PRR3: variants seen among roughly 807,000 people sequenced by gnomAD.
PRR3 encodes proline rich 3, also known as proline-rich protein 3.
PRR3 carries 16 observed loss-of-function variants against 22.4 expected under a neutral mutation model. The observed-to-expected ratio is 0.71, with a 90% confidence interval of 0.48 to 1.09. The LOEUF (loss-of-function observed/expected upper bound fraction) is 1.09. Ranked by LOEUF, PRR3 falls within the 50% of genes least tolerant of loss-of-function variation. PRR3 has a pLI of 0.00. For missense variants in PRR3, 224 were observed against 243.4 expected (o/e 0.92, Z 0.53); for synonymous variants, 87 against 88.6 (o/e 0.98, Z 0.10).
chr6:30,556,925 G>A (rs1029907777), upstream of PRR3: 1 of 612,446 alleles, frequency 1.6e-6, no homozygotes, highest in African/African-American at 1.8e-5. The surrounding 1 kb of genome is among the most constrained non-coding windows in gnomAD (Gnocchi z 5.7). Context: ...GAGGTCAAAG[G>A]GCACGAAGTT....
chr6:30,557,527 A>G (rs1054231013), intron 1 of PRR3, 77 bp downstream of exon 1: 1 of 1,020,018 alleles, frequency 9.8e-7, no homozygotes, highest in Admixed American at 2.2e-5. Flanking sequence ...TAAGGTGCGA[A>G]GGAGGGGGCT....
intron 1 of PRR3, 21 bp from the exon 2 acceptor site, chr6:30,558,129 T>C (rs1800381004): frequency 6.2e-7 from 1 of 1,603,494 alleles, no homozygotes; most frequent in Non-Finnish European, 8.5e-7. Flanking sequence ...CTGATGACCA[T>C]ATTTTCATGT....
intron 1 of PRR3, 33 bp downstream of exon 1, chr6:30,557,483 G>T: frequency 6.8e-7 from 1 of 1,476,846 alleles, no homozygotes; most frequent in Non-Finnish European, 9.4e-7. Flanking sequence ...GCACATGCCT[G>T]TCAAGCCCGT....
chr6:30,557,190 C>A (rs949967395), upstream of PRR3: 46 of 721,802 alleles, frequency 6.4e-5, no homozygotes, highest in Non-Finnish European at 1.0e-4. Context: ...CTCCGGAATG[C>A]GGCCGCCGCA....
At chr6:30,557,173 C>G, upstream of PRR3, 1 of 705,864 alleles carries the variant, frequency 1.4e-6, no homozygotes, top group Non-Finnish European at 2.6e-6. Context: ...CGGAGGGAGG[C>G]AGTTGGCTCC....
rs756871290 is a variant in PRR3 at position 30,561,352 on chromosome 6, G to A, written c.170-482G>A. 4.3e-6 allele frequency: 2 copies of A among 460,462 alleles called. No homozygotes were observed. The highest frequency in any genetic ancestry group is 3.1e-5 in the South Asian group (2 of 64,550). 28.5% of individuals were successfully genotyped at this position (460,462 alleles called of 1,614,324 possible). ...GCCCCAAACTGGATACCACCCACAT[G>A]TCCATCATCAGTAGAATGGATAAAT... is the stretch of plus-strand genomic sequence containing the variant. On this transcript the variant is annotated intron_variant, in intron 2 of 3. Coordinates refer to ENST00000376560, the MANE Select transcript of PRR3 (RefSeq NM_025263.4). This position sits in a 1 kb window ranked among gnomAD's most constrained non-coding sequence, Gnocchi z 4.0.
Position 30,561,245 on chromosome 6 carries a change from T to C in PRR3, c.170-589T>C. 2.4e-6 allele frequency: 1 copy of C among 412,130 alleles called. No homozygotes were observed. Among genetic ancestry groups the C allele is most frequent in the Admixed American group, 2.8e-5 (1 of 35,638 alleles). 25.5% of individuals were successfully genotyped at this position (412,130 alleles called of 1,614,324 possible). ...ATACTTTATAAGCCAGTAATACCTC[T>C]ACTACGTATATATTCAACAGAAATG... On this transcript the variant is annotated intron_variant, in intron 2 of 3. Transcript: ENST00000376560. This position sits in a 1 kb window ranked among gnomAD's most constrained non-coding sequence, Gnocchi z 4.0.
At position 30,562,040 on chromosome 6, in the gene PRR3, G is replaced by A. The variant is rs772650039; in HGVS notation, c.376G>A (p.Glu126Lys). 2 of 1,612,806 alleles carry A rather than the reference G, an allele frequency of 1.2e-6. No homozygotes were observed. Among genetic ancestry groups the A allele is most frequent in the African/African-American group, 2.7e-5 (2 of 74,910 alleles). The change falls in exon 3 of 4, where the codon GAA becomes AAA. Residue 126 changes from glutamate (E) to lysine (K), a missense_variant. Physicochemically the swap from Glu to Lys is moderately conservative, Grantham distance 56. Transcript: ENST00000376560. ...GGPTRGSFHKEQRNPRRLKSW... is the reference protein window; with the variant it reads ...GGPTRGSFHKKQRNPRRLKSW... ...TCCCACCAGGGGAAGCTTTCACAAG[G>A]AACAGAGAAACCCTCGAAGGCTCAA...
At position 30,562,053 on chromosome 6, in the gene PRR3, C is replaced by T. The variant is rs1326539084; in HGVS notation, c.389C>T (p.Pro130Leu). ...AGCTTTCACAAGGAACAGAGAAACC[C>T]TCGAAGGCTCAAAAGCTGGTCTCTT... is the stretch of plus-strand genomic sequence containing the variant. ...RGSFHKEQRN[P>L]RRLKSWSLIK... The change falls in exon 3 of 4, where the codon CCT (proline) becomes CTT (leucine). Residue 130 changes from proline (P) to leucine (L), a missense_variant. Pro to Leu is a moderately conservative substitution (Grantham distance 98). Coordinates refer to ENST00000376560, the MANE Select transcript of PRR3 (RefSeq NM_025263.4). 5 of 1,612,584 alleles carry T rather than the reference C, an allele frequency of 3.1e-6. No homozygotes were observed. Among genetic ancestry groups the T allele is most frequent in the Non-Finnish European group, 8.5e-7 (1 of 1,179,800 alleles).
Position 30,561,556 on chromosome 6 carries a change from A to G in PRR3, c.170-278A>G, listed in dbSNP as rs1561762036. On this transcript the variant is annotated intron_variant, in intron 2 of 3. Transcript: ENST00000376560. This position sits in a 1 kb window ranked among gnomAD's most constrained non-coding sequence, Gnocchi z 4.0. ...TTCAAAAACAGGCAAAAACTAACCT[A>G]TGGTGTCAGGATAGTGGTTACCTTT... is the stretch of plus-strand genomic sequence containing the variant. The G allele has an allele frequency of 9.8e-6, 6 of 611,082 alleles. No homozygotes were observed. The highest frequency in any genetic ancestry group is 1.8e-5 in the Non-Finnish European group (6 of 340,050). 37.9% of individuals were successfully genotyped at this position (611,082 alleles called of 1,614,324 possible).
intron 2 of PRR3, among the ~76,000 whole-genome samples, chr6:30,558,974 G>C (rs1464827991): frequency 6.6e-6 from 1 of 152,180 alleles, no homozygotes. Flanking sequence ...AATTATTCTA[G>C]AAAGTAAATG....
At chr6:30,557,591 C>T (rs1800343483) in intron 1 of PRR3, 141 bp downstream of exon 1, 1 of 629,616 alleles carries the variant, frequency 1.6e-6, no homozygotes, top group Non-Finnish European at 2.8e-6. Context: ...GTGGGGCTCT[C>T]CCAAATGGAG....
In PRR3 at chr6:30,562,683, C is replaced by T. The variant is rs192025954; in HGVS notation, c.*188C>T. The T allele has an allele frequency of 4.9e-5, 26 of 531,338 alleles. No homozygotes were observed. The highest frequency in any genetic ancestry group is 2.3e-4 in the African/African-American group (12 of 51,966). 32.9% of individuals were successfully genotyped at this position (531,338 alleles called of 1,614,324 possible). A position where few individuals can be genotyped will look rare whatever the true frequency, so the allele number is the denominator to read the frequency against. ...TTGCATCACTGGTGCGCGGCATACG[C>T]GCTTTCTTCTGATCCAGCCTGTAGA... On this transcript the variant is annotated 3_prime_UTR_variant, in exon 4 of 4. Coordinates refer to ENST00000376560, the MANE Select transcript of PRR3 (RefSeq NM_025263.4).
In PRR3 at chr6:30,558,153, C is replaced by G. The variant is rs760428136; in HGVS notation, c.110C>G (p.Pro37Arg). The G allele has an allele frequency of 3.1e-6, 5 of 1,612,618 alleles. No homozygotes were observed. The South Asian group carries it at 5.5e-5, about 18-fold the overall frequency. ...GDEEDGSPIG[P>R]PSLLGPPPMA... ...ATATTTTCATGTCTGCTCTTAGGAC[C>G]ACCCAGCCTTCTGGGCCCTCCCCCC... Residue 37 changes from proline (P) to arginine (R), a missense_variant, in exon 2 of 4, where the codon CCA becomes CGA. Pro to Arg is a moderately radical substitution (Grantham distance 103, BLOSUM62 -2). Coordinates refer to ENST00000376560, the MANE Select transcript of PRR3 (RefSeq NM_025263.4).
chr6:30,557,326 A>G lies in PRR3; in HGVS notation c.-19A>G. The G allele has an allele frequency of 6.3e-7, 1 of 1,596,812 alleles. No homozygotes were observed. The highest frequency in any genetic ancestry group is 8.6e-7 in the Non-Finnish European group (1 of 1,166,932). ...CTCACTACCCTCCAAATCCCGCTGC[A>G]GCCATTGCCGCAGACACGATGCCGA... On this transcript the variant is annotated 5_prime_UTR_variant, in exon 1 of 4. Transcript: ENST00000376560.
chr6:30,562,050 A>G lies in PRR3; in HGVS notation c.386A>G (p.Asn129Ser). The G allele has an allele frequency of 1.2e-6, 2 of 1,612,596 alleles. No individual in the cohort carries two copies. Among genetic ancestry groups the G allele is most frequent in the Non-Finnish European group, 1.7e-6 (2 of 1,179,850 alleles). Residue 129 changes from asparagine (N) to serine (S), a missense_variant, in exon 3 of 4, where the codon AAC (asparagine) becomes AGC (serine). Physicochemically the swap from Asn to Ser is conservative, Grantham distance 46 (BLOSUM62 1). Transcript: ENST00000376560. ...GGAAGCTTTCACAAGGAACAGAGAAACCCTCGAAGGCTCAAAAGCTGGTCT... is the reference window on the plus strand; with the variant it reads ...GGAAGCTTTCACAAGGAACAGAGAAGCCCTCGAAGGCTCAAAAGCTGGTCT... ...TRGSFHKEQR[N>S]PRRLKSWSLI...
Position 30,561,948 on chromosome 6 carries a change from G to A in PRR3, c.284G>A (p.Ser95Asn). The change falls in exon 3 of 4, where the codon AGC (serine) becomes AAC (asparagine). Residue 95 changes from serine (S) to asparagine (N), a missense_variant. Transcript: ENST00000376560. This position sits in a 1 kb window ranked among gnomAD's most constrained non-coding sequence, Gnocchi z 4.0. ...CGGAGAGGGCTTGGCCCCAGGTCTA[G>A]CCCATATGGTCGTGGTTGGTGGGGA... ...PIRRGLGPRSSPYGRGWWGVN... is the reference protein window; with the variant it reads ...PIRRGLGPRSNPYGRGWWGVN... 1.2e-6 allele frequency: 2 copies of A among 1,613,000 alleles called. No individual in the cohort carries two copies. The highest frequency in any genetic ancestry group is 8.5e-7 in the Non-Finnish European group (1 of 1,180,016).
At chr6:30,557,512 G>A in intron 1 of PRR3, 62 bp downstream of exon 1, 2 of 1,209,368 alleles carry the variant, frequency 1.7e-6, no homozygotes, top group Admixed American at 2.1e-5. Flanking sequence ...GGGGCTAGGG[G>A]CTAATAAGGT....
At chr6:30,557,887 G>C (rs1439170845) in intron 1 of PRR3, among the ~76,000 whole-genome samples, 1 of 152,222 alleles carries the variant, frequency 6.6e-6, no homozygotes, top group Non-Finnish European at 1.5e-5. Flanking sequence ...GTTTTGGATA[G>C]CGACGGTACG....
Sources: gnomAD v4.1 joint callset for allele counts (sites outside exome capture counted in the v4.1 genomes callset) on GRCh38, gnomAD v4.1.1 for gene constraint, Gnocchi (gnomAD v3.1) non-coding constraint, MANE v1.5 for transcripts, NCBI Gene and HGNC (gene_info 2026-07-23, HGNC 2026-07-21) for gene names.